The following PDE8B variants were observed in gnomAD, a reference collection of about 807,000 sequenced individuals.
PDE8B encodes the protein phosphodiesterase 8B, also known as high affinity cAMP-specific and IBMX-insensitive 3',5'-cyclic phosphodiesterase 8B.
Under a neutral mutation model 101.3 loss-of-function variants are expected in PDE8B, and 26 were observed. The observed-to-expected ratio is 0.26, with a 90% confidence interval of 0.19 to 0.36. The LOEUF is 0.36. Ranked by LOEUF, PDE8B falls within the 10% of genes least tolerant of loss-of-function variation. The pLI, the probability that PDE8B is intolerant of heterozygous loss-of-function variation, is 1.00. For missense variants in PDE8B, 810 were observed against 1,163.1 expected, an observed-to-expected ratio of 0.70 and a Z score of 4.42; for synonymous variants, 424 against 429.3, an observed-to-expected ratio of 0.99 and a Z score of 0.15.
chr5:77,399,072 C>T (rs1355596062), intron 10 of PDE8B, among the ~76,000 whole-genome samples: 2 of 152,248 alleles, frequency 1.3e-5, no homozygotes, highest in South Asian at 2.1e-4. Context: ...ATCCCTGTTC[C>T]ATTACCCACA....
the PDE8B span, among the ~76,000 whole-genome samples, chr5:77,199,542 T>C: frequency 3.9e-5 from 6 of 152,218 alleles, no homozygotes; most frequent in African/African-American, 1.4e-4. Context: ...TCCCCCGTTA[T>C]GAAGGATCTT....
chr5:77,344,994 C>T (rs1241207989), intron 7 of PDE8B, 63 bp downstream of exon 7: 2 of 1,057,510 alleles, frequency 1.9e-6, no homozygotes, highest in Non-Finnish European at 3.0e-6. Context: ...TTAAGCCACA[C>T]TTTTTATCAA....
chr5:77,204,050 G>GTTT, the PDE8B span, among the ~76,000 whole-genome samples: 4,635 of 113,522 alleles, frequency 0.041, 233 homozygotes, highest in African/African-American at 0.088. Flanking sequence ...TGTACCCTTA[G>GTTT]TTTTTTTTTT....
intron 1 of PDE8B, among the ~76,000 whole-genome samples, chr5:77,297,822 C>G (rs1768937369): frequency 6.6e-6 from 1 of 152,182 alleles, no homozygotes; most frequent in African/African-American, 2.4e-5. Context: ...AATGCTCCTT[C>G]CATCGGTCTT....
chr5:77,327,290 C>T (rs577171370), intron 3 of PDE8B, among the ~76,000 whole-genome samples: 2 of 152,308 alleles, frequency 1.3e-5, no homozygotes, highest in South Asian at 4.1e-4. Context: ...CTCCTTAGTC[C>T]TCTCATCCAG....
Position 77,211,086 on chromosome 5 carries a change from C to T in PDE8B, c.161C>T (p.Pro54Leu), listed in dbSNP as rs1748216623. ...CAGACCGACGCCGCCGACGCCATCCCCCCGAGCCGCGCGTCGGGACCCCCC... is the reference window on the plus strand; with the variant it reads ...CAGACCGACGCCGCCGACGCCATCCTCCCGAGCCGCGCGTCGGGACCCCCC... Reference protein sequence around the residue: ...FVQTDAADAIPPSRASGPPSV... With the variant: ...FVQTDAADAILPSRASGPPSV... The change falls in exon 1 of 22, where the codon CCC becomes CTC. Residue 54 changes from proline (P) to leucine (L), a missense_variant. Pro to Leu is a moderately conservative substitution (Grantham distance 98). Transcript: ENST00000264917. This position sits in a 1 kb window ranked among gnomAD's most constrained non-coding sequence, Gnocchi z 4.1. 1 of 1,496,856 alleles carries T rather than the reference C, an allele frequency of 6.7e-7. No homozygotes were observed. Among genetic ancestry groups the T allele is most frequent in the African/African-American group, 1.5e-5 (1 of 68,964 alleles). 92.7% of individuals were successfully genotyped at this position (1,496,856 alleles called of 1,614,324 possible).
chr5:77,101,790 T>C, the PDE8B span, among the ~76,000 whole-genome samples: 1 of 152,078 alleles, frequency 6.6e-6, no homozygotes, highest in Non-Finnish European at 1.5e-5. Context: ...ACTGTGTAGG[T>C]ACTTACATGA....
chr5:77,366,231 G>GT (rs78545969), intron 10 of PDE8B, among the ~76,000 whole-genome samples: 7 of 151,776 alleles, frequency 4.6e-5, no homozygotes, highest in South Asian at 4.2e-4. Flanking sequence ...GAGAACTTTG[G>GT]TTTTTTTTAA....
chr5:77,192,046 G>A, the PDE8B span, among the ~76,000 whole-genome samples: 4 of 152,154 alleles, frequency 2.6e-5, no homozygotes, highest in African/African-American at 7.2e-5. Flanking sequence ...GACAGGAGAC[G>A]GAGTTCAAGT....
At chr5:77,316,286 T>A (rs973175238) in intron 2 of PDE8B, among the ~76,000 whole-genome samples, 14 of 152,200 alleles carry the variant, frequency 9.2e-5, no homozygotes, top group African/African-American at 3.4e-4. Context: ...CAGGCTGGAG[T>A]GCAGTGGCAC....
chr5:77,280,749 T>G (rs1422749581), intron 1 of PDE8B, among the ~76,000 whole-genome samples: 1 of 152,026 alleles, frequency 6.6e-6, no homozygotes, highest in African/African-American at 2.4e-5. Context: ...CAAAAAAAAT[T>G]AGCTGGGTGT....
chr5:77,422,406 CAT>C (rs756868404), intron 20 of PDE8B, among the ~76,000 whole-genome samples: 27 of 152,214 alleles, frequency 1.8e-4, no homozygotes, highest in Middle Eastern at 3.4e-3. Context: ...GATAGGTCCA[CAT>C]GTTAGTAAAA....
At chr5:77,336,441 G>T in intron 5 of PDE8B, among the ~76,000 whole-genome samples, 1 of 152,022 alleles carries the variant, frequency 6.6e-6, no homozygotes, top group Middle Eastern at 3.2e-3. Context: ...TCAATCAATT[G>T]ACCTATTCTA....
At chr5:77,197,766 G>T in the PDE8B span, among the ~76,000 whole-genome samples, 2 of 152,032 alleles carry the variant, frequency 1.3e-5, no homozygotes, top group Non-Finnish European at 2.9e-5. Flanking sequence ...CTTCTGTTGT[G>T]TCTAATCTGC....
chr5:77,198,876 A>G, the PDE8B span, among the ~76,000 whole-genome samples: 1 of 152,106 alleles, frequency 6.6e-6, no homozygotes, highest in Admixed American at 6.5e-5. Flanking sequence ...ACTTAAAACT[A>G]TGGATATTCC....
chr5:77,285,521 C>T (rs1202889485), intron 1 of PDE8B, among the ~76,000 whole-genome samples: 1 of 152,116 alleles, frequency 6.6e-6, no homozygotes, highest in African/African-American at 2.4e-5. Context: ...TAGTTTTTCT[C>T]GGGCCGCTTT....
At chr5:77,228,608 G>A (rs1752925271) in intron 1 of PDE8B, among the ~76,000 whole-genome samples, 1 of 152,082 alleles carries the variant, frequency 6.6e-6, no homozygotes, top group Non-Finnish European at 1.5e-5. Flanking sequence ...AAACATTGAG[G>A]GGGTAAAATA....
chr5:77,397,579 C>A (rs969994217), intron 10 of PDE8B, among the ~76,000 whole-genome samples: 1 of 152,136 alleles, frequency 6.6e-6, no homozygotes, highest in African/African-American at 2.4e-5. Context: ...AGAACTTAGA[C>A]CTAAACAGCA....
At chr5:77,409,109 G>A in intron 14 of PDE8B, 52 bp downstream of exon 14, 13 of 1,476,954 alleles carry the variant, frequency 8.8e-6, no homozygotes, top group Admixed American at 3.4e-5. Flanking sequence ...GGGGCCTCTA[G>A]AGTGCAGCTG....
Sources: gnomAD v4.1 joint callset for allele counts (sites outside exome capture counted in the v4.1 genomes callset) on GRCh38, gnomAD v4.1.1 for gene constraint, Gnocchi (gnomAD v3.1) non-coding constraint, MANE v1.5 for transcripts, NCBI Gene and HGNC (gene_info 2026-07-23, HGNC 2026-07-21) for gene names.